Variants in DOK5 observed in about 807,000 individuals in gnomAD.
The protein encoded by DOK5 is downstream of tyrosine kinase 5.
Under a neutral mutation model 43.3 loss-of-function variants are expected in DOK5, and 27 were observed. That is an observed-to-expected ratio of 0.62 (90% CI 0.46 to 0.86). The LOEUF is 0.86. Among genes scored for constraint, DOK5 ranks in the 40% least tolerant of loss-of-function variants. The probability of loss-of-function intolerance (pLI) is 0.00; values close to 1 mark genes in which losing one functional copy is unlikely to be tolerated. For missense variants in DOK5, 373 were observed against 392.9 expected, an observed-to-expected ratio of 0.95 and a Z score of 0.43; for synonymous variants, 146 against 140.1, an observed-to-expected ratio of 1.04 and a Z score of -0.30.
At chr20:54,527,973 G>A (rs1006074708) in intron 1 of DOK5, among the ~76,000 whole-genome samples, 2 of 152,206 alleles carry the variant, frequency 1.3e-5, no homozygotes, top group Non-Finnish European at 2.9e-5. Flanking sequence ...TTGGGAGGCT[G>A]AGATGGGTGG....
intron 1 of DOK5, among the ~76,000 whole-genome samples, chr20:54,505,699 G>A (rs1357035398): frequency 6.6e-6 from 1 of 152,160 alleles, no homozygotes; most frequent in Non-Finnish European, 1.5e-5. Context: ...ATTTTAATTA[G>A]GGTCATTAGG....
intron 1 of DOK5, among the ~76,000 whole-genome samples, chr20:54,554,274 C>T (rs1984634993): frequency 6.6e-6 from 1 of 152,088 alleles, no homozygotes; most frequent in Non-Finnish European, 1.5e-5. Context: ...GATCTAGTTC[C>T]CTGTAGCAGG....
At chr20:54,517,560 GT>G (rs2146693267) in intron 1 of DOK5, among the ~76,000 whole-genome samples, 1 of 152,210 alleles carries the variant, frequency 6.6e-6, no homozygotes, top group East Asian at 1.9e-4. Context: ...AAATAATAAT[GT>G]TTTCTTTTAT....
intron 2 of DOK5, among the ~76,000 whole-genome samples, chr20:54,585,234 A>G (rs2077560547): frequency 6.6e-6 from 1 of 152,104 alleles, no homozygotes; most frequent in Admixed American, 6.6e-5. Flanking sequence ...TTGCTTTAAA[A>G]TTTGATTGTC....
chr20:54,570,672 G>A (rs1035336485), intron 2 of DOK5, among the ~76,000 whole-genome samples: 17 of 151,864 alleles, frequency 1.1e-4, no homozygotes, highest in African/African-American at 4.1e-4. Flanking sequence ...TTTTGACTTT[G>A]CAGCATGTCA....
chr20:54,550,561 C>T (rs1465417640), intron 1 of DOK5, among the ~76,000 whole-genome samples: 1 of 152,198 alleles, frequency 6.6e-6, no homozygotes, highest in Non-Finnish European at 1.5e-5. Context: ...ACATTCCTAA[C>T]TTCAGACCAT....
chr20:54,502,926 G>A (rs1341214371), intron 1 of DOK5, among the ~76,000 whole-genome samples: 1 of 152,030 alleles, frequency 6.6e-6, no homozygotes, highest in Non-Finnish European at 1.5e-5. Flanking sequence ...TTAATAACTA[G>A]AATTGCAAAT....
At chr20:54,516,923 G>T (rs1392900957) in intron 1 of DOK5, among the ~76,000 whole-genome samples, 1 of 152,148 alleles carries the variant, frequency 6.6e-6, no homozygotes, top group South Asian at 2.1e-4. Flanking sequence ...AAGCAATTTT[G>T]TTTCTACAAA....
chr20:54,521,376 G>A (rs186459685), intron 1 of DOK5, among the ~76,000 whole-genome samples: 52 of 152,202 alleles, frequency 3.4e-4, no homozygotes, highest in African/African-American at 1.2e-3. Flanking sequence ...CCACAAGGGG[G>A]TCCCAGCCTA....
chr20:54,588,804 G>A lies in DOK5; in HGVS notation c.407G>A (p.Ser136Asn), dbSNP rs753959704. 2.5e-6 allele frequency: 4 copies of A among 1,613,772 alleles called. No homozygotes were observed. Among genetic ancestry groups the A allele is most frequent in the Admixed American group, 3.3e-5 (2 of 59,960 alleles). Residue 136 changes from serine to asparagine, a missense_variant and splice_region_variant, in exon 4 of 8, where the codon AGT becomes AAT. By Grantham distance (46) the Ser-to-Asn change is conservative. Coordinates refer to ENST00000262593, the MANE Select transcript of DOK5 (RefSeq NM_018431.5). ...GCCACTGGGGTTGAGAGAGAACAGA[G>A]TGGTATGTAAAGAAAATTCTCTCCT... ...LLATGVEREQ[S>N]ERFNVYLMPS...
chr20:54,592,231 A>C (rs1158926446), intron 5 of DOK5, among the ~76,000 whole-genome samples: 2 of 152,126 alleles, frequency 1.3e-5, no homozygotes, highest in African/African-American at 4.8e-5. Context: ...ATGAGGGCCC[A>C]TGGAGTTTTT....
intron 1 of DOK5, among the ~76,000 whole-genome samples, chr20:54,498,751 T>G (rs1338162639): frequency 2.0e-5 from 3 of 152,226 alleles, no homozygotes; most frequent in Non-Finnish European, 4.4e-5. Context: ...GAGAAAATCA[T>G]GTTCTATTGA....
intron 1 of DOK5, among the ~76,000 whole-genome samples, chr20:54,504,599 T>C (rs547780598): frequency 9.2e-5 from 14 of 152,342 alleles, no homozygotes; most frequent in African/African-American, 3.4e-4. Flanking sequence ...TCTCTCTCAG[T>C]TGAAGGAGGA....
chr20:54,557,432 G>C (rs1984741803), intron 2 of DOK5, among the ~76,000 whole-genome samples: 1 of 152,202 alleles, frequency 6.6e-6, no homozygotes, highest in Non-Finnish European at 1.5e-5. Flanking sequence ...AGCTCAGGCA[G>C]GAATGCTTGC....
At chr20:54,614,271 A>G (rs1986737834) in intron 6 of DOK5, among the ~76,000 whole-genome samples, 1 of 152,240 alleles carries the variant, frequency 6.6e-6, no homozygotes, top group African/African-American at 2.4e-5. Flanking sequence ...CTTGGTATTT[A>G]TTTTCCCATG....
At chr20:54,576,307 G>A (rs1388548431) in intron 2 of DOK5, among the ~76,000 whole-genome samples, 1 of 151,982 alleles carries the variant, frequency 6.6e-6, no homozygotes, top group Admixed American at 6.6e-5. Context: ...TAAATAAAAT[G>A]GTCATTCACA....
intron 1 of DOK5, among the ~76,000 whole-genome samples, chr20:54,535,400 T>C (rs1050421242): frequency 6.6e-6 from 1 of 152,176 alleles, no homozygotes; most frequent in African/African-American, 2.4e-5. Context: ...AAATGTCTTT[T>C]ACTGAATGTT....
At chr20:54,616,383 A>G (rs1986808062) in intron 6 of DOK5, among the ~76,000 whole-genome samples, 1 of 152,158 alleles carries the variant, frequency 6.6e-6, no homozygotes, top group African/African-American at 2.4e-5. Flanking sequence ...AAAAATTGAG[A>G]GCTAACACAT....
rs773741220 is a variant in DOK5 at position 54,610,380 on chromosome 20, T to G, written c.600-8T>G. On this transcript the variant is annotated splice_region_variant and splice_polypyrimidine_tract_variant and intron_variant, in intron 5 of 7. Coordinates refer to ENST00000262593, the MANE Select transcript of DOK5 (RefSeq NM_018431.5). ...TTTTCAGAAGCTGTTTTGTTTTTGT[T>G]TTCACAGGATGTGTGAGACTGGTGA... is the stretch of plus-strand genomic sequence containing the variant. 8 of 1,507,536 alleles carry G rather than the reference T, an allele frequency of 5.3e-6. No homozygotes were observed. Among genetic ancestry groups the G allele is most frequent in the Non-Finnish European group, 6.2e-6 (7 of 1,127,968 alleles). 93.4% of individuals were successfully genotyped at this position (1,507,536 alleles called of 1,614,324 possible).
Sources: allele counts gnomAD v4.1 joint callset (sites outside exome capture counted in the v4.1 genomes callset), GRCh38; gene constraint gnomAD v4.1.1; transcripts MANE v1.5; gene names NCBI Gene and HGNC (gene_info 2026-07-23, HGNC 2026-07-21).